Variants in PDE10A observed in about 807,000 individuals in gnomAD.
The protein encoded by PDE10A is phosphodiesterase 10A, also known as cAMP and cAMP-inhibited cGMP 3',5'-cyclic phosphodiesterase 10A.
A neutral mutation model predicts 97.7 loss-of-function variants in PDE10A; 39 were observed. That is an observed-to-expected ratio of 0.40 (90% CI 0.31 to 0.52). The LOEUF (loss-of-function observed/expected upper bound fraction) is 0.52, where lower values mean the gene tolerates loss of function less well. Among genes scored for constraint, PDE10A ranks in the 20% least tolerant of loss-of-function variants. The pLI is 0.56. For missense variants in PDE10A, 731 were observed against 1,047.8 expected (o/e 0.70, Z 4.17); for synonymous variants, 371 against 376.8 (o/e 0.98, Z 0.18).
rs142593134 is a variant in PDE10A at position 165,816,150 on chromosome 6, C to T, written c.-615+171379G>A. On this transcript the variant is annotated intron_variant, in intron 1 of 19. Coordinates refer to the PDE10A transcript ENST00000366882. ...ATTTTTAGTGGAGACGGGGTTTCAC[C>T]GTGTTAGCCAGGATGCTCTCAATCT... is the stretch of plus-strand genomic sequence containing the variant. Among the ~76,000 whole-genome samples the T allele has an allele frequency of 2.6e-3, 399 of 152,192 alleles. 2 individuals carry two copies. The highest frequency in any genetic ancestry group is 7.7e-3 in the African/African-American group (318 of 41,538).
At chr6:165,977,841 C>T (rs1784895185) in intron 1 of PDE10A, among the ~76,000 whole-genome samples, 1 of 152,128 alleles carries the variant, frequency 6.6e-6, no homozygotes, top group Non-Finnish European at 1.5e-5. Flanking sequence ...TGAAACTACT[C>T]AAATGTCCAC....
intron 2 of PDE10A, among the ~76,000 whole-genome samples, chr6:165,485,228 T>TTGG (rs1362816983): frequency 6.6e-6 from 1 of 151,992 alleles, no homozygotes; most frequent in Non-Finnish European, 1.5e-5. Context: ...TCCTAGCACT[T>TTGG]TGAGAGGCCG....
In PDE10A at chr6:165,662,863, G is replaced by A. The variant is rs1014714310; in HGVS notation, c.-52C>T. Among the ~76,000 whole-genome samples the A allele has an allele frequency of 8.3e-4, 125 of 150,946 alleles. No homozygotes were observed. Among genetic ancestry groups the A allele is most frequent in the African/African-American group, 2.9e-3 (119 of 41,370 alleles). ...AGGCCGCGGGCGGGAGGGGCGCGGC[G>A]GGCCGGGGCTCGGTGGGCTCCGCCC... On this transcript the variant is annotated 5_prime_UTR_variant, in exon 1 of 22. Coordinates refer to ENST00000539869, the MANE Select transcript of PDE10A (RefSeq NM_001385079.1).
At chr6:165,735,736 T>A (rs1792560751) in intron 1 of PDE10A, among the ~76,000 whole-genome samples, 1 of 152,182 alleles carries the variant, frequency 6.6e-6, no homozygotes. Flanking sequence ...GAGGGCAATC[T>A]GCCGTACTCA....
At chr6:165,814,088 G>T (rs1049743345) in intron 1 of PDE10A, among the ~76,000 whole-genome samples, 1 of 152,144 alleles carries the variant, frequency 6.6e-6, no homozygotes, top group African/African-American at 2.4e-5. Context: ...AGGTGTCAAG[G>T]ATGTTATGAA....
rs528214622 is a variant in PDE10A at position 165,743,944 on chromosome 6, T to C, written c.-614-200376A>G. Reference sequence around the variant, plus strand: ...GAACAAGCTAGACTGCCTGTGTTTATCCGCACACAGGCCAGCGGATGTGTG... The same window carrying C: ...GAACAAGCTAGACTGCCTGTGTTTACCCGCACACAGGCCAGCGGATGTGTG... On this transcript the variant is annotated intron_variant, in intron 1 of 19. Coordinates refer to the PDE10A transcript ENST00000366882. 1.4e-3 allele frequency among the ~76,000 whole-genome samples: 218 copies of C among 152,216 alleles called. 1 individual carries two copies. The highest frequency in any genetic ancestry group is 2.7e-3 in the Non-Finnish European group (187 of 68,046).
intron 1 of PDE10A, among the ~76,000 whole-genome samples, chr6:165,748,924 T>C (rs1389408505): frequency 6.6e-6 from 1 of 152,166 alleles, no homozygotes; most frequent in African/African-American, 2.4e-5. Flanking sequence ...GTTGAATTTC[T>C]AATGTATGCC....
At chr6:165,445,810 C>T (rs1186238716) in intron 5 of PDE10A, among the ~76,000 whole-genome samples, 1 of 151,444 alleles carries the variant, frequency 6.6e-6, no homozygotes, top group Non-Finnish European at 1.5e-5. Context: ...TGTCTATCTC[C>T]AAGAAAGAAA....
At chr6:165,979,130 C>T (rs1784932895) in intron 1 of PDE10A, among the ~76,000 whole-genome samples, 1 of 152,186 alleles carries the variant, frequency 6.6e-6, no homozygotes, top group Non-Finnish European at 1.5e-5. Flanking sequence ...GGAGGGCTAG[C>T]TCCGAGTGTG....
In PDE10A at chr6:165,759,276, G is replaced by C. The variant is rs1793196632; in HGVS notation, c.-614-215708C>G. On this transcript the variant is annotated intron_variant, in intron 1 of 19. Coordinates refer to the PDE10A transcript ENST00000366882. ...CTCAGATGGGTTTTATAAGTTTCCTGAGCCACATCCTAACAGAGAGATGAG... is the reference window on the plus strand; with the variant it reads ...CTCAGATGGGTTTTATAAGTTTCCTCAGCCACATCCTAACAGAGAGATGAG... 2.9e-5 allele frequency among the ~76,000 whole-genome samples: 3 copies of C among 105,104 alleles called. No individual in the cohort carries two copies. The Admixed American group carries it at 3.4e-4, about 12-fold the overall frequency. The allele number at this position is 105,104 out of a possible 152,430, so 69.0% of individuals were successfully genotyped here.
intron 1 of PDE10A, among the ~76,000 whole-genome samples, chr6:165,639,340 C>A (rs1454944339): frequency 1.3e-5 from 2 of 152,144 alleles, no homozygotes; most frequent in African/African-American, 4.8e-5. Flanking sequence ...TGAGACTTTT[C>A]ATCCTTCCCT....
intron 1 of PDE10A, among the ~76,000 whole-genome samples, chr6:165,933,180 C>T (rs183561340): frequency 2.0e-5 from 3 of 152,260 alleles, no homozygotes; most frequent in African/African-American, 7.2e-5. Flanking sequence ...AATGGCTTTA[C>T]AGGGTGTCTA....
intron 1 of PDE10A, among the ~76,000 whole-genome samples, chr6:165,796,633 AAAT>A (rs1453133344): frequency 6.6e-5 from 10 of 152,172 alleles, no homozygotes; most frequent in African/African-American, 2.2e-4. Flanking sequence ...CCATTTCACA[AAAT>A]AATAATAATT....
At chr6:165,381,947 T>C (rs975650810) in intron 17 of PDE10A, among the ~76,000 whole-genome samples, 6 of 152,194 alleles carry the variant, frequency 3.9e-5, no homozygotes, top group African/African-American at 1.4e-4. Context: ...TGCATTATAA[T>C]ACTTTTATAC....
chr6:165,376,297 GA>G (rs1258873408), intron 18 of PDE10A, among the ~76,000 whole-genome samples: 1 of 152,224 alleles, frequency 6.6e-6, no homozygotes, highest in African/African-American at 2.4e-5. Context: ...AGTGGAGCCT[GA>G]AAATGATGAC....
chr6:165,445,624 A>G (rs901315104), intron 5 of PDE10A, among the ~76,000 whole-genome samples: 2 of 152,204 alleles, frequency 1.3e-5, no homozygotes, highest in African/African-American at 4.8e-5. Flanking sequence ...TTATTTTGAA[A>G]TTAGTACTGG....
At chr6:165,553,273 AAATG>A (rs1390611119) in intron 1 of PDE10A, among the ~76,000 whole-genome samples, 1 of 152,072 alleles carries the variant, frequency 6.6e-6, no homozygotes, top group East Asian at 1.9e-4. Flanking sequence ...ATTTATATGG[AAATG>A]AATGGAGGTT....
intron 19 of PDE10A, among the ~76,000 whole-genome samples, chr6:165,342,946 T>C (rs531466644): frequency 1.3e-5 from 2 of 152,230 alleles, no homozygotes; most frequent in Non-Finnish European, 2.9e-5. Context: ...AGGTGAGCTA[T>C]TGGTTATATT....
Position 165,736,857 on chromosome 6 carries a change from A to G in PDE10A, c.-614-193289T>C, listed in dbSNP as rs545995074. Among the ~76,000 whole-genome samples, 24 of 152,310 alleles carry G rather than the reference A, an allele frequency of 1.6e-4. No homozygotes were observed. The South Asian group carries it at 5.0e-3, about 32-fold the overall frequency. On this transcript the variant is annotated intron_variant, in intron 1 of 19. Coordinates refer to the PDE10A transcript ENST00000366882. Reference sequence around the variant, plus strand: ...ACTAGAAAAACAATAGAAAAGATCAATGGATCTAAGAGTTAGCTTTTGAAA... The same window carrying G: ...ACTAGAAAAACAATAGAAAAGATCAGTGGATCTAAGAGTTAGCTTTTGAAA...
Sources: allele counts gnomAD v4.1 joint callset (sites outside exome capture counted in the v4.1 genomes callset), GRCh38; gene constraint gnomAD v4.1.1; transcripts MANE v1.5; gene names NCBI Gene and HGNC (gene_info 2026-07-23, HGNC 2026-07-21).